ASB18: variants seen among roughly 807,000 people sequenced by gnomAD.
ASB18 encodes the protein ankyrin repeat and SOCS box containing 18.
Under a neutral mutation model 33.4 loss-of-function variants are expected in ASB18, and 33 were observed. The ratio of observed to expected loss-of-function variants is 0.99; its 90% CI spans 0.75 to 1.32. The LOEUF (loss-of-function observed/expected upper bound fraction) is 1.32. Among genes scored for constraint, ASB18 ranks in the 40% most tolerant of loss-of-function variants. ASB18 has a pLI of 0.00. For missense variants in ASB18, 694 were observed against 655.5 expected (o/e 1.06, Z -0.64); for synonymous variants, 295 against 307.6 (o/e 0.96, Z 0.43).
chr2:236,194,085 A>G lies in ASB18; in HGVS notation c.*787T>C, dbSNP rs1361174231. ...CATTAGAATATGAATGAATGAATGA[A>G]TGAATGAATACAAATTATTGTAAAG... On this transcript the variant is annotated 3_prime_UTR_variant, in exon 6 of 6. Coordinates refer to ENST00000409749, the MANE Select transcript of ASB18 (RefSeq NM_212556.4). The surrounding 1 kb of genome is among the most constrained non-coding windows in gnomAD (Gnocchi z 4.5). Among the ~76,000 whole-genome samples, 1 of 152,190 alleles carries G rather than the reference A, an allele frequency of 6.6e-6. No individual in the cohort carries two copies. The highest frequency in any genetic ancestry group is 1.5e-5 in the Non-Finnish European group (1 of 68,042).
chr2:236,218,079 G>A (rs185658885), intron 3 of ASB18, among the ~76,000 whole-genome samples: 95 of 152,234 alleles, frequency 6.2e-4, no homozygotes, highest in Non-Finnish European at 1.2e-3. Flanking sequence ...CCTTTTCCAC[G>A]TGCACAGCCT....
In ASB18 at chr2:236,226,918, C is replaced by T. The variant is rs764023991; in HGVS notation, c.596+10771G>A. Among the ~76,000 whole-genome samples, 29 of 151,826 alleles carry T rather than the reference C, an allele frequency of 1.9e-4. No homozygotes were observed. The highest frequency in any genetic ancestry group is 1.2e-3 in the Admixed American group (19 of 15,230). ...TCTGAATACGCTTCACCCAGCTTCC[C>T]CTAAAGTTAATATCTAATATTATTA... On this transcript the variant is annotated intron_variant, in intron 3 of 5. Transcript: ENST00000409749. This position sits in a 1 kb window ranked among gnomAD's most constrained non-coding sequence, Gnocchi z 4.8.
chr2:236,254,805 G>A (rs994636357), intron 1 of ASB18, among the ~76,000 whole-genome samples: 7 of 152,026 alleles, frequency 4.6e-5, no homozygotes, highest in Non-Finnish European at 1.0e-4. Context: ...TTGTGTCCCC[G>A]CCCAGATCTC....
intron 1 of ASB18, among the ~76,000 whole-genome samples, chr2:236,258,185 G>A (rs2106286851): frequency 6.6e-6 from 1 of 152,300 alleles, no homozygotes; most frequent in South Asian, 2.1e-4. Flanking sequence ...AAGGCAGGGT[G>A]TGGCCCACAC....
chr2:236,258,076 C>A (rs903460082), intron 1 of ASB18, among the ~76,000 whole-genome samples: 2 of 152,248 alleles, frequency 1.3e-5, no homozygotes, highest in African/African-American at 2.4e-5. Flanking sequence ...GCTGCTTAAT[C>A]TGTGCATATG....
In ASB18 at chr2:236,204,545, C is replaced by T. The variant is rs1005989294; in HGVS notation, c.1102-8160G>A. Among the ~76,000 whole-genome samples, 3 of 152,208 alleles carry T rather than the reference C, an allele frequency of 2.0e-5. No homozygotes were observed. The highest frequency in any genetic ancestry group is 7.2e-5 in the African/African-American group (3 of 41,440). On this transcript the variant is annotated intron_variant, in intron 4 of 5. Coordinates refer to ENST00000409749, the MANE Select transcript of ASB18 (RefSeq NM_212556.4). This position sits in a 1 kb window ranked among gnomAD's most constrained non-coding sequence, Gnocchi z 5.1. ...TTGTCACTGACCCTCAAAGGTATAT[C>T]TCCAGGTTGGCCAAATCTCTCCCTC...
In ASB18 at chr2:236,240,937, A is replaced by G. The variant is rs190259327; in HGVS notation, c.328+343T>C. 3.3e-3 allele frequency among the ~76,000 whole-genome samples: 500 copies of G among 152,286 alleles called. 6 individuals carry two copies. Among genetic ancestry groups the G allele is most frequent in the African/African-American group, 0.012 (484 of 41,562 alleles). ...CAGAGGCTGCTCCGGGCGCAACTGA[A>G]GGAGAGACTTTCCTTCTTCAGCACC... On this transcript the variant is annotated intron_variant, in intron 2 of 5. Coordinates refer to ENST00000409749, the MANE Select transcript of ASB18 (RefSeq NM_212556.4).
At position 236,217,424 on chromosome 2, in the gene ASB18, A is replaced by AAATAAT. The variant is rs1553600513; in HGVS notation, c.597-2559_597-2558insATTATT. On this transcript the variant is annotated intron_variant, in intron 3 of 5. Transcript: ENST00000409749. The surrounding 1 kb of genome is among the most constrained non-coding windows in gnomAD (Gnocchi z 5.2). ...CGAGACTCTGTCTCAAAAAAAAAAA[A>AAATAAT]AAATAAATCTTGGCACCTTCAACTC... is the stretch of plus-strand genomic sequence containing the variant. Among the ~76,000 whole-genome samples, 49 of 150,406 alleles carry AAATAAT rather than the reference A, an allele frequency of 3.3e-4. No individual in the cohort carries two copies. The highest frequency in any genetic ancestry group is 1.1e-3 in the African/African-American group (45 of 40,516).
In ASB18 at chr2:236,204,429, G is replaced by A. The variant is rs573356471; in HGVS notation, c.1102-8044C>T. Among the ~76,000 whole-genome samples, 2 of 152,222 alleles carry A rather than the reference G, an allele frequency of 1.3e-5. No homozygotes were observed. Among genetic ancestry groups the A allele is most frequent in the East Asian group, 1.9e-4 (1 of 5,184 alleles). On this transcript the variant is annotated intron_variant, in intron 4 of 5. Transcript: ENST00000409749. This position sits in a 1 kb window ranked among gnomAD's most constrained non-coding sequence, Gnocchi z 5.1. ...TCTCATCTCCGTCCTTCAGATGTTC[G>A]ACCATCCCTGCATTCAGGCCTGTTC...
chr2:236,203,887 C>CCAACCAACCAAT lies in ASB18; in HGVS notation c.1102-7503_1102-7502insATTGGTTGGTTG, dbSNP rs1559327351. 6.6e-6 allele frequency among the ~76,000 whole-genome samples: 1 copy of CCAACCAACCAAT among 151,156 alleles called. No homozygotes were observed. The highest frequency in any genetic ancestry group is 2.0e-4 in the East Asian group (1 of 5,118). On this transcript the variant is annotated intron_variant, in intron 4 of 5. Coordinates refer to ENST00000409749, the MANE Select transcript of ASB18 (RefSeq NM_212556.4). The surrounding 1 kb of genome is among the most constrained non-coding windows in gnomAD (Gnocchi z 6.0). Reference sequence around the variant, plus strand: ...CTCTCAAAAACCAAACCAAACCAAACCAACCAACCAACCAACCAACCAACC... The same window carrying CCAACCAACCAAT: ...CTCTCAAAAACCAAACCAAACCAAACCAACCAACCAATCAACCAACCAACCAACCAACCAACC...
At chr2:236,202,924 C>G (rs578035231) in intron 4 of ASB18, among the ~76,000 whole-genome samples, 1 of 151,504 alleles carries the variant, frequency 6.6e-6, no homozygotes, top group Non-Finnish European at 1.5e-5. Context: ...CCCTTCCTTT[C>G]TTAATAATAC....
chr2:236,240,011 G>A (rs901439394), intron 2 of ASB18, among the ~76,000 whole-genome samples: 14 of 152,222 alleles, frequency 9.2e-5, no homozygotes, highest in Non-Finnish European at 1.6e-4. Context: ...CCAGTATCCT[G>A]TCGTCCAGGT....
chr2:236,219,876 A>T lies in ASB18; in HGVS notation c.597-5010T>A, dbSNP rs1190141392. 6.6e-6 allele frequency among the ~76,000 whole-genome samples: 1 copy of T among 152,128 alleles called. No homozygotes were observed. Among genetic ancestry groups the T allele is most frequent in the Non-Finnish European group, 1.5e-5 (1 of 68,020 alleles). On this transcript the variant is annotated intron_variant, in intron 3 of 5. Coordinates refer to ENST00000409749, the MANE Select transcript of ASB18 (RefSeq NM_212556.4). This position sits in a 1 kb window ranked among gnomAD's most constrained non-coding sequence, Gnocchi z 6.4. ...TCAGGGTAGAACAGTCACCGTTGGG[A>T]TCTAAGGGTAGAATTCCCATCTGAG... is the stretch of plus-strand genomic sequence containing the variant.
rs2060374210 is a variant in ASB18 at position 236,196,443 on chromosome 2, G to A, written c.1102-58C>T. The A allele has an allele frequency of 1.1e-6, 1 of 935,282 alleles. No homozygotes were observed. The allele number at this position is 935,282 out of a possible 1,614,324, so 57.9% of individuals were successfully genotyped here. ...CCGACTGGGTTCTGGGTCTCAGTGG[G>A]GAAAGGGTGGGGGGTGTGGGGGGAT... On this transcript the variant is annotated intron_variant, in intron 4 of 5. Transcript: ENST00000409749. The surrounding 1 kb of genome is among the most constrained non-coding windows in gnomAD (Gnocchi z 5.6).
chr2:236,241,467 T>G lies in ASB18; in HGVS notation c.206-65A>C. 1.9e-6 allele frequency: 3 copies of G among 1,600,218 alleles called. No homozygotes were observed. Among genetic ancestry groups the G allele is most frequent in the Non-Finnish European group, 2.6e-6 (3 of 1,169,736 alleles). The stretch of plus-strand genomic sequence containing the variant: ...CTGCTCTAGCTTGAGGATCCTTCTC[T>G]GTCTTTTGAAATATTTGAAGTTTTC... On this transcript the variant is annotated intron_variant, in intron 1 of 5. Transcript: ENST00000409749. The surrounding 1 kb of genome is among the most constrained non-coding windows in gnomAD (Gnocchi z 4.2).
rs1462695367 is a variant in ASB18, at chr2:236,203,318, A to G, written c.1102-6933T>C. ...TCTGGAGCAGGAGTTAGCAGGGGGA[A>G]AAAAAGGCATGGAGAGTTCTGGGGA... On this transcript the variant is annotated intron_variant, in intron 4 of 5. Coordinates refer to ENST00000409749, the MANE Select transcript of ASB18 (RefSeq NM_212556.4). The surrounding 1 kb of genome is among the most constrained non-coding windows in gnomAD (Gnocchi z 6.0). Among the ~76,000 whole-genome samples, 1 of 152,156 alleles carries G rather than the reference A, an allele frequency of 6.6e-6. No individual in the cohort carries two copies. The highest frequency in any genetic ancestry group is 2.4e-5 in the African/African-American group (1 of 41,446).
rs540118158 is a variant in ASB18, at chr2:236,208,242, A to C, written c.1101+6120T>G. ...GGCCTGGGGCCAGCACGGTCTTCCC[A>C]GCCCATCTCGCCAGCCCTGTCCCTC... On this transcript the variant is annotated intron_variant, in intron 4 of 5. Coordinates refer to ENST00000409749, the MANE Select transcript of ASB18 (RefSeq NM_212556.4). This position sits in a 1 kb window ranked among gnomAD's most constrained non-coding sequence, Gnocchi z 7.7. Among the ~76,000 whole-genome samples, 1 of 152,230 alleles carries C rather than the reference A, an allele frequency of 6.6e-6. No homozygotes were observed. Among genetic ancestry groups the C allele is most frequent in the East Asian group, 1.9e-4 (1 of 5,150 alleles).
At chr2:236,201,669 T>C (rs562268696) in intron 4 of ASB18, among the ~76,000 whole-genome samples, 2 of 150,468 alleles carry the variant, frequency 1.3e-5, no homozygotes, top group East Asian at 1.9e-4. Flanking sequence ...CATTTATGAT[T>C]TGGAGCTACT....
In ASB18 at chr2:236,222,693, C is replaced by T. The variant is rs966607351; in HGVS notation, c.597-7827G>A. Among the ~76,000 whole-genome samples, 10 of 152,130 alleles carry T rather than the reference C, an allele frequency of 6.6e-5. No individual in the cohort carries two copies. The highest frequency in any genetic ancestry group is 2.1e-4 in the South Asian group (1 of 4,822). ...TACCATCCCCTTGGTGCTTTCCTCA[C>T]GATAGCGAGTTCATGGGTGATCTGG... On this transcript the variant is annotated intron_variant, in intron 3 of 5. Coordinates refer to ENST00000409749, the MANE Select transcript of ASB18 (RefSeq NM_212556.4). The surrounding 1 kb of genome is among the most constrained non-coding windows in gnomAD (Gnocchi z 5.5).
Sources: gnomAD v4.1 joint callset for allele counts (sites outside exome capture counted in the v4.1 genomes callset) on GRCh38, gnomAD v4.1.1 for gene constraint, Gnocchi (gnomAD v3.1) non-coding constraint, MANE v1.5 for transcripts, NCBI Gene and HGNC (gene_info 2026-07-23, HGNC 2026-07-21) for gene names.